The following RARB variants were observed in gnomAD, a reference collection of about 807,000 sequenced individuals.
RARB encodes retinoic acid receptor beta, also known as HBV-activated protein.
In RARB, 17 loss-of-function variants were observed where a neutral mutation model predicts 51.9. The ratio of observed to expected loss-of-function variants is 0.33; its 90% CI spans 0.22 to 0.49. The LOEUF (loss-of-function observed/expected upper bound fraction) is 0.49, where lower values mean the gene tolerates loss of function less well. Ranked by LOEUF, RARB falls within the 20% of genes least tolerant of loss-of-function variation. RARB has a pLI of 0.99. For synonymous variants in RARB, 215 were observed against 195.4 expected, an observed-to-expected ratio of 1.10 and a Z score of -0.84; for missense variants, 369 against 550.8, an observed-to-expected ratio of 0.67 and a Z score of 3.30.
At chr3:25,116,295 A>G (rs1699685930) in intron 3 of RARB, among the ~76,000 whole-genome samples, 1 of 152,144 alleles carries the variant, frequency 6.6e-6, no homozygotes, top group Non-Finnish European at 1.5e-5. Context: ...TCTATAAGCA[A>G]CCTTGAGTTT....
intron 5 of RARB, among the ~76,000 whole-genome samples, chr3:25,366,608 AT>A (rs1466476840): frequency 6.6e-6 from 1 of 152,224 alleles, no homozygotes; most frequent in African/African-American, 2.4e-5. Context: ...CACAATCAAA[AT>A]ATTTTTAGCT....
chr3:25,200,361 G>A (rs1466125071), intron 5 of RARB, among the ~76,000 whole-genome samples: 2 of 151,814 alleles, frequency 1.3e-5, no homozygotes. Flanking sequence ...CAGATAAGTA[G>A]ATTGCAAAAA....
chr3:25,012,614 G>A (rs1697422471), intron 2 of RARB, among the ~76,000 whole-genome samples: 1 of 152,100 alleles, frequency 6.6e-6, no homozygotes, highest in African/African-American at 2.4e-5. Flanking sequence ...TGCTTCTGTA[G>A]TTTGGCATAT....
intron 2 of RARB, among the ~76,000 whole-genome samples, chr3:24,886,662 C>G (rs1043796703): frequency 2.6e-5 from 4 of 151,994 alleles, no homozygotes; most frequent in African/African-American, 9.7e-5. Context: ...GGCTGGTCTT[C>G]AACTCCTGAG....
chr3:24,963,508 TC>T (rs1289143016), intron 2 of RARB, among the ~76,000 whole-genome samples: 1 of 150,454 alleles, frequency 6.6e-6, no homozygotes, highest in African/African-American at 2.5e-5. Context: ...GAGATTATTT[TC>T]CGTTACATTA....
At chr3:25,596,369 C>T (rs1390208289) in intron 7 of RARB, 51 bp from the exon 8 acceptor site, 1 of 1,448,084 alleles carries the variant, frequency 6.9e-7, no homozygotes. Context: ...GGTTATCTGT[C>T]ATAGCTTAAC....
chr3:25,157,350 T>TTGTGTGTGTGTGTGTGTGTGTG (rs748559000), intron 4 of RARB, among the ~76,000 whole-genome samples: 8 of 145,086 alleles, frequency 5.5e-5, no homozygotes, highest in African/African-American at 1.8e-4. Flanking sequence ...GTGTGTGTGT[T>TTGTGTGTGTGTGTGTGTGTGTG]TGTGTGTGTG....
chr3:25,585,954 G>T (rs529530598), intron 5 of RARB, among the ~76,000 whole-genome samples: 95 of 152,284 alleles, frequency 6.2e-4, no homozygotes, highest in Non-Finnish European at 1.1e-3. Flanking sequence ...GTGGAGCCAG[G>T]ACTGGGTGGG....
At chr3:25,570,419 T>C (rs1700664030) in intron 4 of RARB, among the ~76,000 whole-genome samples, 1 of 152,190 alleles carries the variant, frequency 6.6e-6, no homozygotes, top group Non-Finnish European at 1.5e-5. Context: ...GGCCAAGGTT[T>C]GCCTTCTGTG....
At chr3:25,223,337 T>C (rs1701987407) in intron 5 of RARB, among the ~76,000 whole-genome samples, 1 of 152,248 alleles carries the variant, frequency 6.6e-6, no homozygotes, top group Non-Finnish European at 1.5e-5. Flanking sequence ...CTGAACAGTA[T>C]TTCATTAGGA....
At chr3:25,290,436 T>A (rs1371122311) in intron 5 of RARB, among the ~76,000 whole-genome samples, 1 of 152,092 alleles carries the variant, frequency 6.6e-6, no homozygotes, top group Admixed American at 6.5e-5. Context: ...TCCAGAACCA[T>A]GAGAAAATGG....
Position 25,134,959 on chromosome 3 carries a change from G to A in RARB, c.-280+2751G>A, listed in dbSNP as rs2062484. Among the ~76,000 whole-genome samples the A allele has an allele frequency of 3.5e-3, 526 of 151,934 alleles. 7 individuals are homozygous for A. In the East Asian group the frequency reaches 0.044, roughly 13 times the overall value. On this transcript the variant is annotated intron_variant, in intron 4 of 11. Coordinates refer to the RARB transcript ENST00000383772. Reference sequence around the variant, plus strand: ...AGTTACTAATATATGAAGATTAAACGCTACTTATGATGCCACTGTTTAAAA... The same window carrying A: ...AGTTACTAATATATGAAGATTAAACACTACTTATGATGCCACTGTTTAAAA...
intron 2 of RARB, among the ~76,000 whole-genome samples, chr3:24,962,566 A>G (rs771260121): frequency 1.3e-5 from 2 of 152,198 alleles, no homozygotes; most frequent in African/African-American, 4.8e-5. Context: ...GGAGTTAAGC[A>G]GCAAGCAAAC....
intron 5 of RARB, among the ~76,000 whole-genome samples, chr3:25,378,888 AC>A (rs1224295558): frequency 6.6e-6 from 1 of 152,218 alleles, no homozygotes; most frequent in East Asian, 1.9e-4. Flanking sequence ...GAGGAAAAAA[AC>A]CTGCACATAA....
At chr3:25,206,051 C>T (rs1017830853) in intron 5 of RARB, among the ~76,000 whole-genome samples, 12 of 152,116 alleles carry the variant, frequency 7.9e-5, no homozygotes, top group Non-Finnish European at 1.6e-4. Flanking sequence ...AGCTGTATGA[C>T]GTATGTTTTT....
chr3:25,353,033 T>C (rs1402491350), intron 5 of RARB, among the ~76,000 whole-genome samples: 1 of 152,230 alleles, frequency 6.6e-6, no homozygotes, highest in East Asian at 1.9e-4. Context: ...GCACCTCTTA[T>C]GTGCCAAGTA....
intron 5 of RARB, among the ~76,000 whole-genome samples, chr3:25,224,456 G>A (rs1702011180): frequency 6.6e-6 from 1 of 152,106 alleles, no homozygotes; most frequent in Admixed American, 6.5e-5. Flanking sequence ...CAAGCCTCAA[G>A]TCTCCTGGAA....
At chr3:25,509,643 A>G (rs1286020094) in intron 3 of RARB, among the ~76,000 whole-genome samples, 22 of 152,188 alleles carry the variant, frequency 1.4e-4, no homozygotes, top group Non-Finnish European at 2.9e-5. Flanking sequence ...AGACATGTGT[A>G]ATCAGAGAAT....
At chr3:25,211,596 A>G (rs993764120) in intron 5 of RARB, among the ~76,000 whole-genome samples, 1 of 150,280 alleles carries the variant, frequency 6.7e-6, no homozygotes, top group East Asian at 1.9e-4. Flanking sequence ...TCAACTCCCC[A>G]TGATTCAAAT....
Sources: gnomAD v4.1 joint callset for allele counts (sites outside exome capture counted in the v4.1 genomes callset) on GRCh38, gnomAD v4.1.1 for gene constraint, MANE v1.5 for transcripts, NCBI Gene and HGNC (gene_info 2026-07-23, HGNC 2026-07-21) for gene names.